Variants in PTPRD observed in about 807,000 individuals in gnomAD.
PTPRD encodes the protein protein tyrosine phosphatase receptor type D.
A neutral mutation model predicts 214.5 loss-of-function variants in PTPRD; 34 were observed. That is an observed-to-expected ratio of 0.16 (90% confidence interval 0.12 to 0.21). The LOEUF is 0.21. Ranked by LOEUF, PTPRD falls within the 10% of genes least tolerant of loss-of-function variation. The pLI, the probability that PTPRD is intolerant of heterozygous loss-of-function variation, is 1.00. For missense variants in PTPRD, 2,545 were observed against 2,398.7 expected (o/e 1.06, Z -1.27); for synonymous variants, 1,128 against 845.7 (o/e 1.33, Z -5.79).
At chr9:9,965,763 A>G (rs1462242742) in intron 4 of PTPRD, among the ~76,000 whole-genome samples, 3 of 152,178 alleles carry the variant, frequency 2.0e-5, no homozygotes, top group Non-Finnish European at 4.4e-5. Context: ...CAATTGTTAA[A>G]TGAAATAGTA....
Position 10,281,815 on chromosome 9 carries a change from G to A in PTPRD, c.-545+59148C>T, listed in dbSNP as rs553111905. The stretch of plus-strand genomic sequence containing the variant: ...AGGACTACAATTTTAAAAATGACTC[G>A]AAAGGTTTTTTAAGTGAACATCTTG... On this transcript the variant is annotated intron_variant, in intron 3 of 45. Coordinates refer to ENST00000381196, the MANE Select transcript of PTPRD (RefSeq NM_002839.4). Among the ~76,000 whole-genome samples the A allele has an allele frequency of 2.0e-4, 30 of 152,180 alleles. No individual in the cohort carries two copies. In the South Asian group the frequency reaches 4.4e-3, roughly 22 times the overall value.
intron 9 of PTPRD, among the ~76,000 whole-genome samples, chr9:9,384,200 T>C (rs2063149072): frequency 6.6e-6 from 1 of 151,646 alleles, no homozygotes; most frequent in African/African-American, 2.4e-5. Flanking sequence ...ATCAGTGAAC[T>C]AGTAGGTATA....
chr9:8,572,232 GTTTC>G (rs2154237332), intron 14 of PTPRD, among the ~76,000 whole-genome samples: 1 of 152,098 alleles, frequency 6.6e-6, no homozygotes, highest in Non-Finnish European at 1.5e-5. Flanking sequence ...TTCCATTTTA[GTTTC>G]TTTATTTGTA....
In PTPRD at chr9:9,340,618, G is replaced by A. The variant is rs181853266; in HGVS notation, c.-203+56831C>T. 2.9e-3 allele frequency among the ~76,000 whole-genome samples: 446 copies of A among 152,198 alleles called. 6 individuals are homozygous for A. The highest frequency in any genetic ancestry group is 0.01 in the African/African-American group (421 of 41,536). On this transcript the variant is annotated intron_variant, in intron 9 of 45. Transcript: ENST00000381196. ...CACACTGTGAGTTAATACAGAGTAC[G>A]GAATTCAATATCTGTTAGAACTAAA...
chr9:9,766,947 A>C (rs1029967270), intron 5 of PTPRD, 96 bp from the exon 6 acceptor site: 4 of 152,384 alleles, frequency 2.6e-5, no homozygotes, highest in Non-Finnish European at 5.9e-5. Context: ...ACAAATTTTA[A>C]AACTCCATCA....
intron 3 of PTPRD, among the ~76,000 whole-genome samples, chr9:10,091,676 G>C (rs1275505968): frequency 6.6e-6 from 1 of 151,418 alleles, no homozygotes; most frequent in African/African-American, 2.4e-5. Context: ...TCTTGATTTG[G>C]ACATTTTCTT....
At chr9:9,085,427 C>A (rs544922595) in intron 10 of PTPRD, among the ~76,000 whole-genome samples, 1 of 152,120 alleles carries the variant, frequency 6.6e-6, no homozygotes, top group African/African-American at 2.4e-5. Flanking sequence ...CATATGTAAG[C>A]TTTGACGGGT....
intron 8 of PTPRD, among the ~76,000 whole-genome samples, chr9:9,474,641 T>C (rs1015401563): frequency 6.6e-6 from 1 of 151,856 alleles, no homozygotes; most frequent in African/African-American, 2.4e-5. Context: ...TGATTTTCAT[T>C]GTAGACATAT....
At chr9:10,018,841 G>A (rs139977115) in intron 4 of PTPRD, among the ~76,000 whole-genome samples, 4,351 of 152,030 alleles carry the variant, frequency 0.029, 124 homozygotes, top group Admixed American at 0.089. Flanking sequence ...GAGCCACCGC[G>A]CCCGGCCAGA....
intron 5 of PTPRD, among the ~76,000 whole-genome samples, chr9:9,805,173 G>A (rs2099065094): frequency 6.6e-6 from 1 of 152,036 alleles, no homozygotes. Flanking sequence ...TTTACTGTGT[G>A]GCCTCAAGCA....
chr9:9,363,621 G>C (rs1035837294), intron 9 of PTPRD, among the ~76,000 whole-genome samples: 7 of 151,084 alleles, frequency 4.6e-5, no homozygotes, highest in Admixed American at 4.6e-4. Flanking sequence ...ATAGATGCAG[G>C]GTTTTTCTAG....
intron 9 of PTPRD, among the ~76,000 whole-genome samples, chr9:9,318,690 G>A (rs1964754312): frequency 6.6e-6 from 1 of 152,022 alleles, no homozygotes; most frequent in Admixed American, 6.6e-5. Context: ...TCTAATTATA[G>A]CCTATGTTTT....
At chr9:9,650,417 T>A (rs1360991075) in intron 7 of PTPRD, among the ~76,000 whole-genome samples, 2 of 152,228 alleles carry the variant, frequency 1.3e-5, no homozygotes, top group Non-Finnish European at 2.9e-5. Context: ...CCCTACTTGA[T>A]TATGGTGGAT....
chr9:8,367,690 C>T (rs2080306619), intron 39 of PTPRD, among the ~76,000 whole-genome samples: 1 of 152,144 alleles, frequency 6.6e-6, no homozygotes, highest in African/African-American at 2.4e-5. Context: ...TCTGAATCAA[C>T]AATTACGTAG....
intron 12 of PTPRD, among the ~76,000 whole-genome samples, chr9:8,655,462 T>A (rs1413082738): frequency 6.6e-6 from 1 of 152,194 alleles, no homozygotes; most frequent in Admixed American, 6.5e-5. Flanking sequence ...CCCTGAATAA[T>A]AAAAAGCATT....
intron 7 of PTPRD, among the ~76,000 whole-genome samples, chr9:9,582,411 T>C (rs1262700317): frequency 6.6e-6 from 1 of 152,058 alleles, no homozygotes; most frequent in African/African-American, 2.4e-5. Context: ...AACCTCTTTG[T>C]TTATCAGACT....
At chr9:8,807,193 C>T (rs1600427397) in intron 11 of PTPRD, among the ~76,000 whole-genome samples, 1 of 151,946 alleles carries the variant, frequency 6.6e-6, no homozygotes, top group Non-Finnish European at 1.5e-5. Context: ...AAAAATTAGC[C>T]AGGCATGGTA....
At chr9:8,537,652 T>G (rs569056404) in intron 14 of PTPRD, among the ~76,000 whole-genome samples, 6 of 152,126 alleles carry the variant, frequency 3.9e-5, no homozygotes, top group African/African-American at 1.2e-4. Flanking sequence ...AGAGCCTCAT[T>G]AGCAGCTACT....
At chr9:10,481,985 A>T (rs2099100623) in intron 2 of PTPRD, among the ~76,000 whole-genome samples, 1 of 152,158 alleles carries the variant, frequency 6.6e-6, no homozygotes, top group Admixed American at 6.5e-5. Flanking sequence ...AGACTTTCAG[A>T]GGGGTACAAA....
Sources: allele counts gnomAD v4.1 joint callset (sites outside exome capture counted in the v4.1 genomes callset), GRCh38; gene constraint gnomAD v4.1.1; transcripts MANE v1.5; gene names NCBI Gene and HGNC (gene_info 2026-07-23, HGNC 2026-07-21).